SRL: variants seen among roughly 807,000 people sequenced by gnomAD.
The protein encoded by SRL is sarcalumenin.
In SRL, 23 loss-of-function variants were observed where a neutral mutation model predicts 39.5. The observed-to-expected ratio is 0.58, with a 90% confidence interval of 0.42 to 0.82. SRL has a LOEUF of 0.82. Ranked by LOEUF, SRL falls within the 40% of genes least tolerant of loss-of-function variation. The pLI, the probability that SRL is intolerant of heterozygous loss-of-function variation, is 0.00. For missense variants in SRL, 592 were observed against 607.8 expected (o/e 0.97, Z 0.27); for synonymous variants, 272 against 237.4 (o/e 1.15, Z -1.34).
At chr16:4,228,523 C>T (rs1025078027) in intron 1 of SRL, among the ~76,000 whole-genome samples, 2 of 152,030 alleles carry the variant, frequency 1.3e-5, no homozygotes, top group Admixed American at 6.6e-5. Context: ...ATCACTAGGT[C>T]AGGAGATCGA....
chr16:4,202,064 T>G (rs1894478265), intron 3 of SRL, among the ~76,000 whole-genome samples: 1 of 152,178 alleles, frequency 6.6e-6, no homozygotes, highest in Admixed American at 6.6e-5. Context: ...GTACTGAGAT[T>G]ACAGGCGTGA....
intron 1 of SRL, among the ~76,000 whole-genome samples, chr16:4,214,282 G>C (rs1251891841): frequency 6.6e-6 from 1 of 152,238 alleles, no homozygotes; most frequent in Non-Finnish European, 1.5e-5. Context: ...TTTATAACAA[G>C]TACCTGCCAA....
At chr16:4,228,052 G>A (rs1327933376) in intron 1 of SRL, among the ~76,000 whole-genome samples, 1 of 152,230 alleles carries the variant, frequency 6.6e-6, no homozygotes, top group African/African-American at 2.4e-5. Flanking sequence ...AGGACAGTGG[G>A]ACACAGCCAA....
At chr16:4,207,317 G>T (rs757715370) in intron 1 of SRL, 2 of 456,764 alleles carry the variant, frequency 4.4e-6, no homozygotes, top group South Asian at 3.1e-5. Context: ...TAACGCTTTG[G>T]GCGCCCCCAG....
Position 4,224,719 on chromosome 16 carries a change from C to T in SRL, c.61+17288G>A, listed in dbSNP as rs117376742. Among the ~76,000 whole-genome samples, 3 of 145,894 alleles carry T rather than the reference C, an allele frequency of 2.1e-5. No homozygotes were observed. The Admixed American group carries it at 2.1e-4, about 10-fold the overall frequency. On this transcript the variant is annotated intron_variant, in intron 1 of 5. Transcript: ENST00000399609. ...TGGGCAACAGAGCAAGACCCTATCT[C>T]GAGAAAAAAAAAAAGAAAAAAAAAG...
Position 4,192,161 on chromosome 16 carries a change from T to G in SRL, c.1414A>C (p.Lys472Gln). The G allele has an allele frequency of 6.4e-7, 1 of 1,550,600 alleles. No individual in the cohort carries two copies. Among genetic ancestry groups the G allele is most frequent in the East Asian group, 2.2e-5 (1 of 44,528 alleles). Residue 472 changes from lysine to glutamine, a missense_variant, in exon 6 of 6, where the codon AAG (lysine) becomes CAG (glutamine). By Grantham distance (53) the Lys-to-Gln change is moderately conservative (BLOSUM62 1). Coordinates refer to ENST00000399609, the MANE Select transcript of SRL (RefSeq NM_001098814.2). The surrounding 1 kb of genome is among the most constrained non-coding windows in gnomAD (Gnocchi z 4.0). ...CSETPKNRYR[K>Q]H is the part of the protein sequence containing the mutation. ...AAGGACCGCTCCACCACCTAGTGCTTCCTGTAGCGATTTTTTGGTGTTTCG... is the reference window on the plus strand; with the variant it reads ...AAGGACCGCTCCACCACCTAGTGCTGCCTGTAGCGATTTTTTGGTGTTTCG...
chr16:4,239,314 T>C, intron 1 of SRL, among the ~76,000 whole-genome samples: 1 of 152,040 alleles, frequency 6.6e-6, no homozygotes, highest in East Asian at 1.9e-4. Flanking sequence ...CCCCTTGCCA[T>C]TGGGGTGGCC....
chr16:4,209,506 G>A (rs964570611), intron 1 of SRL, among the ~76,000 whole-genome samples: 2 of 152,020 alleles, frequency 1.3e-5, no homozygotes, highest in African/African-American at 4.8e-5. Flanking sequence ...CCTCTCTCAG[G>A]CCACCACTTG....
chr16:4,202,453 C>T (rs963882507), intron 3 of SRL, among the ~76,000 whole-genome samples: 5 of 151,944 alleles, frequency 3.3e-5, no homozygotes, highest in Non-Finnish European at 5.9e-5. Context: ...ATTGGCCAGG[C>T]GTGGTGGCAG....
At chr16:4,207,058 C>T (rs1368563320) in intron 1 of SRL, 4 of 452,768 alleles carry the variant, frequency 8.8e-6, no homozygotes, top group African/African-American at 4.0e-5. Flanking sequence ...TGCAGATCCC[C>T]GCCTTCCTGG....
intron 1 of SRL, among the ~76,000 whole-genome samples, chr16:4,216,270 A>T (rs1485233453): frequency 6.6e-6 from 1 of 151,828 alleles, no homozygotes; most frequent in Admixed American, 6.6e-5. Flanking sequence ...TTTTATTTTT[A>T]TTTTATGTAT....
intron 1 of SRL, among the ~76,000 whole-genome samples, chr16:4,205,846 G>C (rs974221897): frequency 6.6e-5 from 10 of 151,988 alleles, no homozygotes; most frequent in African/African-American, 2.4e-4. Flanking sequence ...GCTGAGGTGG[G>C]AGGATCGCTT....
chr16:4,206,953 C>T (rs1043539402), intron 1 of SRL: 3 of 456,008 alleles, frequency 6.6e-6, no homozygotes, highest in African/African-American at 2.0e-5. Flanking sequence ...GGATCCCCAC[C>T]TTCCTGGGGC....
Position 4,192,043 on chromosome 16 carries a change from T to G in SRL, c.*110A>C. ...CCTCAATGAACTCCCAACTCTCCAC[T>G]GTGTAATAATTCCTGCCAGTGTGGC... On this transcript the variant is annotated 3_prime_UTR_variant, in exon 6 of 6. Coordinates refer to ENST00000399609, the MANE Select transcript of SRL (RefSeq NM_001098814.2). This position sits in a 1 kb window ranked among gnomAD's most constrained non-coding sequence, Gnocchi z 4.0. 8.1e-7 allele frequency: 1 copy of G among 1,233,662 alleles called. No individual in the cohort carries two copies. The highest frequency in any genetic ancestry group is 1.1e-6 in the Non-Finnish European group (1 of 880,218). 76.4% of individuals were successfully genotyped at this position (1,233,662 alleles called of 1,614,324 possible).
chr16:4,223,961 T>C (rs2052559000), intron 1 of SRL, among the ~76,000 whole-genome samples: 1 of 152,088 alleles, frequency 6.6e-6, no homozygotes. Context: ...GGGGCATAGC[T>C]GGCCCTGCTC....
At position 4,230,887 on chromosome 16, in the gene SRL, A is replaced by C. The variant is rs535154446; in HGVS notation, c.61+11120T>G. Among the ~76,000 whole-genome samples the C allele has an allele frequency of 7.2e-5, 11 of 152,262 alleles. No individual in the cohort carries two copies. In the East Asian group the frequency reaches 2.1e-3, roughly 29 times the overall value. ...GCAGTGATGAAGCTACCACTCAAAG[A>C]ATGCCAGGAATTGCTGGCAACCACT... On this transcript the variant is annotated intron_variant, in intron 1 of 5. Coordinates refer to ENST00000399609, the MANE Select transcript of SRL (RefSeq NM_001098814.2).
chr16:4,203,265 G>C lies in SRL; in HGVS notation c.164-4C>G. On this transcript the variant is annotated splice_region_variant and splice_polypyrimidine_tract_variant and intron_variant, in intron 2 of 5. Coordinates refer to ENST00000399609, the MANE Select transcript of SRL (RefSeq NM_001098814.2). ...TTCCGAAGCCGCTGCAGCACCGCTGGAGACAGAGAGGGCCGGGGGAAGAGC... is the reference window on the plus strand; with the variant it reads ...TTCCGAAGCCGCTGCAGCACCGCTGCAGACAGAGAGGGCCGGGGGAAGAGC... 1 of 1,613,668 alleles carries C rather than the reference G, an allele frequency of 6.2e-7. No individual in the cohort carries two copies. The highest frequency in any genetic ancestry group is 1.1e-5 in the South Asian group (1 of 91,068).
rs367844939 is a variant in SRL, at chr16:4,223,027, C to G, written c.62-18393G>C. Among the ~76,000 whole-genome samples the G allele has an allele frequency of 2.6e-4, 39 of 151,734 alleles. No individual in the cohort carries two copies. The East Asian group carries it at 7.4e-3, about 29-fold the overall frequency. Reference sequence around the variant, plus strand: ...GGAAGATCACTTGAGGTCAAGAGTTCCAGACTAGCCTGGCCAGCATGGTAA... The same window carrying G: ...GGAAGATCACTTGAGGTCAAGAGTTGCAGACTAGCCTGGCCAGCATGGTAA... On this transcript the variant is annotated intron_variant, in intron 1 of 5. Coordinates refer to ENST00000399609, the MANE Select transcript of SRL (RefSeq NM_001098814.2).
intron 1 of SRL, chr16:4,207,574 C>T (rs868693400): frequency 6.6e-6 from 3 of 452,234 alleles, no homozygotes; most frequent in Middle Eastern, 3.3e-4. Flanking sequence ...CCTGCTACTG[C>T]TCCCTGCACC....
Sources: allele counts gnomAD v4.1 joint callset (sites outside exome capture counted in the v4.1 genomes callset), GRCh38; gene constraint gnomAD v4.1.1; non-coding constraint Gnocchi (gnomAD v3.1); transcripts MANE v1.5; gene names NCBI Gene and HGNC (gene_info 2026-07-23, HGNC 2026-07-21).